The following EFCAB6 variants were observed in gnomAD, a reference collection of about 807,000 sequenced individuals.
EFCAB6 encodes EF-hand calcium-binding domain-containing protein 6.
Under a neutral mutation model 169.8 loss-of-function variants are expected in EFCAB6, and 156 were observed. That is an observed-to-expected ratio of 0.92 (90% CI 0.81 to 1.05). The LOEUF is 1.05. Among genes scored for constraint, EFCAB6 ranks in the 50% least tolerant of loss-of-function variants. The probability of loss-of-function intolerance (pLI) is 0.00; values close to 1 mark genes in which losing one functional copy is unlikely to be tolerated. For missense variants in EFCAB6, 1,800 were observed against 1,829.1 expected, an observed-to-expected ratio of 0.98 and a Z score of 0.29; for synonymous variants, 698 against 676.4, an observed-to-expected ratio of 1.03 and a Z score of -0.50.
intron 24 of EFCAB6, among the ~76,000 whole-genome samples, chr22:43,581,156 G>A (rs2050696433): frequency 6.6e-6 from 1 of 152,172 alleles, no homozygotes; most frequent in Non-Finnish European, 1.5e-5. Context: ...TGGATGGGGG[G>A]CTCCTGGGGT....
At chr22:43,809,592 G>GT (rs1417134134) in intron 1 of EFCAB6, among the ~76,000 whole-genome samples, 2 of 151,962 alleles carry the variant, frequency 1.3e-5, no homozygotes. Context: ...CTTTTGTTTT[G>GT]TTTTTTTGTT....
intron 1 of EFCAB6, among the ~76,000 whole-genome samples, chr22:43,810,704 G>C (rs186342452): frequency 6.6e-6 from 1 of 152,320 alleles, no homozygotes; most frequent in East Asian, 1.9e-4. Context: ...GAAATTTACA[G>C]TCTCAGGTAA....
intron 3 of EFCAB6, among the ~76,000 whole-genome samples, chr22:43,777,468 C>T (rs150335862): frequency 6.6e-6 from 1 of 152,324 alleles, no homozygotes; most frequent in African/African-American, 2.4e-5. Flanking sequence ...ACAAGAGTTC[C>T]AAGAACACTC....
At chr22:43,641,356 C>T (rs1191091994) in intron 17 of EFCAB6, among the ~76,000 whole-genome samples, 1 of 152,206 alleles carries the variant, frequency 6.6e-6, no homozygotes, top group Non-Finnish European at 1.5e-5. Flanking sequence ...CGGCTCACAC[C>T]TGTAATCCCA....
intron 16 of EFCAB6, among the ~76,000 whole-genome samples, chr22:43,667,822 G>A (rs1054072000): frequency 2.0e-5 from 3 of 152,148 alleles, no homozygotes; most frequent in African/African-American, 7.2e-5. Flanking sequence ...GAGTCTCAGC[G>A]TGGATGTGTC....
At chr22:43,533,905 A>G (rs2146999113) in intron 30 of EFCAB6, among the ~76,000 whole-genome samples, 1 of 152,292 alleles carries the variant, frequency 6.6e-6, no homozygotes, top group Middle Eastern at 3.4e-3. Context: ...GGCCTCCTGG[A>G]GCCTCTGAGT....
chr22:43,810,999 T>A (rs1053260392), intron 1 of EFCAB6, among the ~76,000 whole-genome samples: 6 of 152,078 alleles, frequency 3.9e-5, no homozygotes, highest in Non-Finnish European at 8.8e-5. Context: ...TTACAGCATT[T>A]CTGTTAAGGC....
At position 43,732,513 on chromosome 22, in the gene EFCAB6, G is replaced by C. The variant is rs1453935180; in HGVS notation, c.645-702C>G. ...GGCAGAATCTCGCTCTGTTGCCCAGGCTAGAGTGTGGTGCTGCAATCTCAG... is the reference window on the plus strand; with the variant it reads ...GGCAGAATCTCGCTCTGTTGCCCAGCCTAGAGTGTGGTGCTGCAATCTCAG... On this transcript the variant is annotated intron_variant, in intron 7 of 31. Transcript: ENST00000262726. 2.7e-5 allele frequency among the ~76,000 whole-genome samples: 4 copies of C among 146,282 alleles called. No individual in the cohort carries two copies. The East Asian group carries it at 7.9e-4, about 29-fold the overall frequency.
chr22:43,737,899 A>C (rs1017959814), intron 6 of EFCAB6, among the ~76,000 whole-genome samples: 1 of 151,000 alleles, frequency 6.6e-6, no homozygotes, highest in Non-Finnish European at 1.5e-5. Context: ...ACCATCACTC[A>C]CATATACATA....
At chr22:43,757,358 A>G (rs2060993266) in intron 5 of EFCAB6, among the ~76,000 whole-genome samples, 1 of 152,130 alleles carries the variant, frequency 6.6e-6, no homozygotes, top group Non-Finnish European at 1.5e-5. Flanking sequence ...GGCCAGCCTT[A>G]CCAACATGGA....
At position 43,589,774 on chromosome 22, in the gene EFCAB6, C is replaced by T. The variant is rs550316155; in HGVS notation, c.3032+300G>A. 8.5e-5 allele frequency among the ~76,000 whole-genome samples: 13 copies of T among 152,098 alleles called. No homozygotes were observed. In the South Asian group the frequency reaches 1.9e-3, roughly 22 times the overall value. On this transcript the variant is annotated intron_variant, in intron 24 of 31. Coordinates refer to ENST00000262726, the MANE Select transcript of EFCAB6 (RefSeq NM_022785.4). ...CTGCACTCCAGCCTGGGTGATAGAG[C>T]GAGACTCCATCTCAAAAAAACAAAA...
intron 10 of EFCAB6, among the ~76,000 whole-genome samples, chr22:43,696,841 G>C (rs2058593863): frequency 6.6e-6 from 1 of 152,066 alleles, no homozygotes; most frequent in Admixed American, 6.6e-5. Flanking sequence ...AAAATTATAG[G>C]GCTATGAAGT....
At chr22:43,672,772 G>A (rs2057549064) in intron 13 of EFCAB6, among the ~76,000 whole-genome samples, 1 of 151,946 alleles carries the variant, frequency 6.6e-6, no homozygotes, top group Non-Finnish European at 1.5e-5. Flanking sequence ...TAACTAATGG[G>A]TACTAGGCTT....
chr22:43,688,618 T>C (rs1330603389), intron 10 of EFCAB6, among the ~76,000 whole-genome samples: 1 of 152,188 alleles, frequency 6.6e-6, no homozygotes, highest in Non-Finnish European at 1.5e-5. Flanking sequence ...TCTGTATTCC[T>C]CTCATCTGTA....
At chr22:43,554,794 T>C in intron 27 of EFCAB6, 75 bp downstream of exon 27, 3 of 1,289,638 alleles carry the variant, frequency 2.3e-6, no homozygotes, top group Non-Finnish European at 3.4e-6. Flanking sequence ...TCTTAAACTC[T>C]GTACATTCTG....
At chr22:43,725,289 G>T (rs542141032) in intron 8 of EFCAB6, among the ~76,000 whole-genome samples, 1 of 152,070 alleles carries the variant, frequency 6.6e-6, no homozygotes, top group African/African-American at 2.4e-5. Context: ...TTACAGGCAT[G>T]CGCCACCACG....
intron 24 of EFCAB6, 47 bp from the exon 25 acceptor site, chr22:43,580,706 C>A (rs375852070): frequency 1.1e-5 from 17 of 1,590,438 alleles, no homozygotes; most frequent in Non-Finnish European, 1.1e-5. Context: ...AAAAAGCCAC[C>A]CTACTGCTTA....
intron 8 of EFCAB6, among the ~76,000 whole-genome samples, chr22:43,724,106 A>G (rs1236354191): frequency 2.6e-5 from 4 of 152,068 alleles, no homozygotes; most frequent in African/African-American, 9.7e-5. Flanking sequence ...TTTGCTTCCA[A>G]ATCTCACTGC....
chr22:43,709,667 G>A (rs1305082674), intron 10 of EFCAB6, among the ~76,000 whole-genome samples: 1 of 152,188 alleles, frequency 6.6e-6, no homozygotes, highest in Non-Finnish European at 1.5e-5. Context: ...GGTGGATGGT[G>A]ACTATCTGCT....
Sources: gnomAD v4.1 joint callset for allele counts (sites outside exome capture counted in the v4.1 genomes callset) on GRCh38, gnomAD v4.1.1 for gene constraint, MANE v1.5 for transcripts, NCBI Gene and HGNC (gene_info 2026-07-23, HGNC 2026-07-21) for gene names.